FLNC: variants seen among roughly 807,000 people sequenced by gnomAD.
FLNC encodes the protein filamin C, also known as filamin-C.
FLNC carries 91 observed loss-of-function variants against 254.3 expected under a neutral mutation model. The ratio of observed to expected loss-of-function variants is 0.36; its 90% confidence interval spans 0.30 to 0.43. The LOEUF is 0.43. FLNC is among the 20% of genes least tolerant of loss of function. FLNC has a pLI of 1.00. For missense variants in FLNC, 2,853 were observed against 3,802.6 expected (o/e 0.75, Z 6.57); for synonymous variants, 1,430 against 1,577.2 (o/e 0.91, Z 2.21).
Position 128,844,265 on chromosome 7 carries a change from A to G in FLNC, c.3191A>G (p.Lys1064Arg), listed in dbSNP as rs1171597964. Reference sequence around the variant, plus strand: ...GGTGTCCTGCCCCCTGATCCCTCCAAGGTGAGGAGATAGGAGCTGGTTGGG... The same window carrying G: ...GGTGTCCTGCCCCCTGATCCCTCCAGGGTGAGGAGATAGGAGCTGGTTGGG... ...VEGVLPPDPSKVCAYGPGLKG... is the reference protein window; with the variant it reads ...VEGVLPPDPSRVCAYGPGLKG... Residue 1064 changes from lysine (K) to arginine (R), a missense_variant and splice_region_variant, in exon 20 of 48, where the codon AAG becomes AGG. Lys to Arg is a conservative substitution (Grantham distance 26). Transcript: ENST00000325888. 1.2e-6 allele frequency: 2 copies of G among 1,603,376 alleles called. No individual in the cohort carries two copies. Among genetic ancestry groups the G allele is most frequent in the Non-Finnish European group, 1.7e-6 (2 of 1,173,518 alleles).
At chr7:128,832,590 C>G (rs374228949) in intron 1 of FLNC, among the ~76,000 whole-genome samples, 1 of 152,252 alleles carries the variant, frequency 6.6e-6, no homozygotes, top group Non-Finnish European at 1.5e-5. Flanking sequence ...CTCCCCTCCC[C>G]CGTGGCGGTG....
At chr7:128,853,169 TG>T in intron 37 of FLNC, 138 bp downstream of exon 37, 1 of 937,254 alleles carries the variant, frequency 1.1e-6, no homozygotes. Flanking sequence ...ATTCGCATTC[TG>T]GGGCCCCTTG....
chr7:128,832,274 A>G (rs1188507336), intron 1 of FLNC, among the ~76,000 whole-genome samples: 1 of 152,008 alleles, frequency 6.6e-6, no homozygotes, highest in Non-Finnish European at 1.5e-5. Flanking sequence ...TCCGTGACAC[A>G]GCAGATGTCT....
intron 20 of FLNC, 32 bp from the exon 21 acceptor site, chr7:128,844,626 G>A (rs1338016097): frequency 1.3e-6 from 2 of 1,590,248 alleles, no homozygotes; most frequent in African/African-American, 1.3e-5. Context: ...GAGGCCAGGT[G>A]CAGGGAACCC....
Position 128,844,252 on chromosome 7 carries a change from C to G in FLNC, c.3178C>G (p.Pro1060Ala), listed in dbSNP as rs2128936236. 2.5e-6 allele frequency: 4 copies of G among 1,608,234 alleles called. No homozygotes were observed. Among genetic ancestry groups the G allele is most frequent in the Non-Finnish European group, 3.4e-6 (4 of 1,176,740 alleles). Reference protein sequence around the residue: ...SPFAVEGVLPPDPSKVCAYGP... With the variant: ...SPFAVEGVLPADPSKVCAYGP... Reference sequence around the variant, plus strand: ...GTTTGCTGTGGAGGGTGTCCTGCCCCCTGATCCCTCCAAGGTGAGGAGATA... The same window carrying G: ...GTTTGCTGTGGAGGGTGTCCTGCCCGCTGATCCCTCCAAGGTGAGGAGATA... The change falls in exon 20 of 48, where the codon CCT (proline) becomes GCT (alanine). Residue 1060 changes from proline (P) to alanine (A), a missense_variant. Physicochemically the swap from Pro to Ala is conservative, Grantham distance 27. Transcript: ENST00000325888.
Position 128,851,719 on chromosome 7 carries a change from C to T in FLNC, c.5842+91C>T, listed in dbSNP as rs75012400. On this transcript the variant is annotated intron_variant, in intron 35 of 47. Coordinates refer to ENST00000325888, the MANE Select transcript of FLNC (RefSeq NM_001458.5). ...GCAAGCCCAGCCCGTTCAAGTCACT[C>T]GTGACATTAGGGCAGAGGCCCTTCA... The T allele has an allele frequency of 0.033, 45,755 of 1,377,558 alleles. 995 individuals are homozygous for T. Among genetic ancestry groups the T allele is most frequent in the Non-Finnish European group, 0.036 (35,385 of 969,840 alleles). 85.3% of individuals were successfully genotyped at this position (1,377,558 alleles called of 1,614,324 possible). A position where few individuals can be genotyped will look rare whatever the true frequency, so the allele number is the denominator to read the frequency against.
intron 1 of FLNC, among the ~76,000 whole-genome samples, chr7:128,833,861 CA>C (rs1807989020): frequency 6.6e-6 from 1 of 151,416 alleles, no homozygotes. Context: ...GCAGTGGAGC[CA>C]GGGGAAGGGG....
rs760566569 is a variant in FLNC at position 128,849,447 on chromosome 7, C to G, written c.5068C>G (p.Leu1690Val). Residue 1690 changes from leucine (L) to valine (V), a missense_variant, in exon 30 of 48, where the codon CTC (leucine) becomes GTC (valine). Leu to Val is a conservative substitution (Grantham distance 32). Around this residue, in one of 10 missense-constraint regions of FLNC, gnomAD observed 258 missense variants for 312.3 expected, o/e 0.83. Coordinates refer to ENST00000325888, the MANE Select transcript of FLNC (RefSeq NM_001458.5). ...GGTGTCCACGCCGGATGGGGCAGAGCTCGATGTGGATGTGGTTGAGAACCA... is the reference window on the plus strand; with the variant it reads ...GGTGTCCACGCCGGATGGGGCAGAGGTCGATGTGGATGTGGTTGAGAACCA... ...CTVSTPDGAE[L>V]DVDVVENHDG... The G allele has an allele frequency of 4.3e-6, 7 of 1,614,212 alleles. No homozygotes were observed. The South Asian group carries it at 7.7e-5, about 18-fold the overall frequency.
At position 128,843,252 on chromosome 7, in the gene FLNC, C is replaced by T. The variant is rs779819905; in HGVS notation, c.2574C>T (p.His858=). The T allele has an allele frequency of 3.3e-5, 53 of 1,607,524 alleles. No homozygotes were observed. The highest frequency in any genetic ancestry group is 5.1e-5 in the Admixed American group (3 of 59,018). ...AGGAGATCCCCGCCAGCCCCTTCCA[C>T]ATCAAGGTGGACCCATCCCACGATG... ...ANQEIPASPF[H]IKVDPSHDAS... Residue 858 remains histidine (H), a synonymous_variant, in exon 17 of 48, where the codon CAC becomes CAT. Transcript: ENST00000325888.
chr7:128,844,363 G>A (rs1191291843), intron 20 of FLNC, 97 bp downstream of exon 20: 1 of 1,401,370 alleles, frequency 7.1e-7, no homozygotes, highest in Non-Finnish European at 9.6e-7. Flanking sequence ...TTATGTGCCT[G>A]GAGTGGGCAC....
chr7:128,853,178 T>C (rs1808897277), intron 37 of FLNC, 147 bp downstream of exon 37: 2 of 852,110 alleles, frequency 2.3e-6, no homozygotes, highest in East Asian at 2.7e-5. Flanking sequence ...CTGGGGCCCC[T>C]TGCGGGAAAG....
chr7:128,852,715 G>T lies in FLNC; in HGVS notation c.5967G>T (p.Glu1989Asp). 6.2e-7 allele frequency: 1 copy of T among 1,613,224 alleles called. No homozygotes were observed. ...ASIRAPSGNE[E>D]PCLLKRLPNR... ...TCCGTGCCCCCTCGGGCAACGAGGA[G>T]CCCTGCCTGCTGAAGCGCCTGCCCA... The change falls in exon 36 of 48, where the codon GAG becomes GAT. Residue 1989 changes from glutamate (E) to aspartate (D), a missense_variant. Glu to Asp is a conservative substitution (Grantham distance 45). Coordinates refer to ENST00000325888, the MANE Select transcript of FLNC (RefSeq NM_001458.5).
At position 128,835,518 on chromosome 7, in the gene FLNC, A is replaced by G; in HGVS notation, c.545A>G (p.Asn182Ser). The G allele has an allele frequency of 3.7e-6, 6 of 1,613,638 alleles. No homozygotes were observed. The South Asian group carries it at 6.6e-5, about 18-fold the overall frequency. ...CCCCAGCTGCCCATCACCAACTTCAACCGTGACTGGCAGGACGGCAAAGCT... is the reference window on the plus strand; with the variant it reads ...CCCCAGCTGCCCATCACCAACTTCAGCCGTGACTGGCAGGACGGCAAAGCT... The part of the protein sequence containing the change: ...KVPQLPITNF[N>S]RDWQDGKALG... The change falls in exon 2 of 48, where the codon AAC (asparagine) becomes AGC (serine). Residue 182 changes from asparagine to serine, a missense_variant. Coordinates refer to ENST00000325888, the MANE Select transcript of FLNC (RefSeq NM_001458.5). The surrounding 1 kb of genome is among the most constrained non-coding windows in gnomAD (Gnocchi z 5.3).
chr7:128,838,759 G>T lies in FLNC; in HGVS notation c.1367G>T (p.Gly456Val), dbSNP rs765622614. Residue 456 changes from glycine (G) to valine (V), a missense_variant, in exon 8 of 48, where the codon GGT (glycine) becomes GTT (valine). Around this residue, in one of 10 missense-constraint regions of FLNC, gnomAD observed 1,573 missense variants for 1,883.5 expected, o/e 0.84. Coordinates refer to ENST00000325888, the MANE Select transcript of FLNC (RefSeq NM_001458.5). Reference sequence around the variant, plus strand: ...CATACCGTGCATGTGGCCTTTGCGGGTGCCCCCATCACCCGCAGTCCCTTC... The same window carrying T: ...CATACCGTGCATGTGGCCTTTGCGGTTGCCCCCATCACCCGCAGTCCCTTC... ...GPHTVHVAFA[G>V]APITRSPFPV... 1.9e-6 allele frequency: 3 copies of T among 1,612,906 alleles called. No homozygotes were observed. The highest frequency in any genetic ancestry group is 1.7e-5 in the Admixed American group (1 of 60,008).
rs748504948 is a variant in FLNC at position 128,850,927 on chromosome 7, C to T, written c.5523C>T (p.Asp1841=). Residue 1841 remains aspartate, a synonymous_variant, in exon 33 of 48, where the codon GAC becomes GAT. Transcript: ENST00000325888. The stretch of plus-strand genomic sequence containing the variant: ...TGCACCAGATGGGGATCAAGTATGA[C>T]GGCAACCACATCCCTGGTGAGTTAG... ...KGLHQMGIKY[D]GNHIPGSPLQ... is the part of the protein sequence containing the mutation. The T allele has an allele frequency of 1.1e-5, 18 of 1,613,198 alleles. No homozygotes were observed. The highest frequency in any genetic ancestry group is 2.2e-5 in the East Asian group (1 of 44,876).
rs562426408 is a variant in FLNC at position 128,834,320 on chromosome 7, C to CG, written c.353-1006_353-1005insG. On this transcript the variant is annotated intron_variant, in intron 1 of 47. Transcript: ENST00000325888. Reference sequence around the variant, plus strand: ...TAAGGGGGATCTAGGCGCCCCCCCCCCCCAAATCTTGAGGAACCAGTTCTG... The same window carrying CG: ...TAAGGGGGATCTAGGCGCCCCCCCCCGCCCAAATCTTGAGGAACCAGTTCTG... Among the ~76,000 whole-genome samples the CG allele has an allele frequency of 1.1e-4, 17 of 150,846 alleles. No homozygotes were observed. The South Asian group carries it at 3.7e-3, about 33-fold the overall frequency.
At position 128,842,803 on chromosome 7, in the gene FLNC, G is replaced by A; in HGVS notation, c.2399G>A (p.Ser800Asn). ...DCSEAGQGDV[S>N]IGIKCAPGVV... The stretch of plus-strand genomic sequence containing the variant: ...GCCCGCTTCTCTGCAGGCGACGTGA[G>A]CATCGGCATCAAGTGCGCCCCAGGC... Residue 800 changes from serine to asparagine, a missense_variant, in exon 16 of 48, where the codon AGC (serine) becomes AAC (asparagine). By Grantham distance (46) the Ser-to-Asn change is conservative. This residue lies in a region of FLNC where 1,573 missense variants were observed against 1,883.5 expected (regional missense o/e 0.84). Transcript: ENST00000325888. This position sits in a 1 kb window ranked among gnomAD's most constrained non-coding sequence, Gnocchi z 5.4. 1.2e-6 allele frequency: 2 copies of A among 1,613,692 alleles called. No individual in the cohort carries two copies. The highest frequency in any genetic ancestry group is 1.7e-6 in the Non-Finnish European group (2 of 1,180,002).
At chr7:128,843,018 T>C in intron 16 of FLNC, 64 bp downstream of exon 16, 2 of 1,574,496 alleles carry the variant, frequency 1.3e-6, no homozygotes, top group Non-Finnish European at 1.7e-6. Context: ...CAGCTGGAGA[T>C]GCTGTCACTG....
intron 24 of FLNC, among the ~76,000 whole-genome samples, chr7:128,847,122 C>A (rs965449704): frequency 1.3e-4 from 20 of 152,378 alleles, no homozygotes; most frequent in Admixed American, 2.6e-4. Flanking sequence ...CAGGAACACA[C>A]TCTGGCCTCC....
Sources: allele counts gnomAD v4.1 joint callset (sites outside exome capture counted in the v4.1 genomes callset), GRCh38; gene constraint gnomAD v4.1.1; regional missense constraint gnomAD v4.1.1; non-coding constraint Gnocchi (gnomAD v3.1); transcripts MANE v1.5; gene names NCBI Gene and HGNC (gene_info 2026-07-23, HGNC 2026-07-21).